TP53BP1: variants seen among roughly 807,000 people sequenced by gnomAD.
The protein encoded by TP53BP1 is TP53-binding protein 1.
A neutral mutation model predicts 200.8 loss-of-function variants in TP53BP1; 61 were observed. The ratio of observed to expected loss-of-function variants is 0.30; its 90% CI spans 0.25 to 0.38. The LOEUF (loss-of-function observed/expected upper bound fraction) is 0.38. TP53BP1 is among the 10% of genes least tolerant of loss of function. TP53BP1 has a pLI of 1.00. For missense variants in TP53BP1, 2,144 were observed against 2,371.9 expected (o/e 0.90, Z 2.00); for synonymous variants, 822 against 844.3 (o/e 0.97, Z 0.46).
At chr15:43,487,858 G>GA (rs958407700) in intron 4 of TP53BP1, among the ~76,000 whole-genome samples, 2 of 149,392 alleles carry the variant, frequency 1.3e-5, no homozygotes, top group African/African-American at 2.5e-5. Context: ...TCAAAAACAA[G>GA]AAAAAAAAAT....
At chr15:43,446,825 G>A in intron 13 of TP53BP1, 1 of 1,473,152 alleles carries the variant, frequency 6.8e-7, no homozygotes, top group South Asian at 1.2e-5. Context: ...AAAGGATGCT[G>A]CATGAGCCCT....
chr15:43,457,558 G>A (rs1263178384), intron 11 of TP53BP1, among the ~76,000 whole-genome samples: 4 of 150,588 alleles, frequency 2.7e-5, no homozygotes, highest in African/African-American at 9.8e-5. Flanking sequence ...TGTAATCCCA[G>A]CTACTTGGGA....
chr15:43,449,449 A>G (rs1201461507), intron 12 of TP53BP1, among the ~76,000 whole-genome samples: 1 of 152,254 alleles, frequency 6.6e-6, no homozygotes, highest in East Asian at 1.9e-4. Context: ...TAATCGCTGA[A>G]AATATATCCC....
At chr15:43,411,048 G>T (rs1158325314) in intron 24 of TP53BP1, among the ~76,000 whole-genome samples, 1 of 152,172 alleles carries the variant, frequency 6.6e-6, no homozygotes, top group Non-Finnish European at 1.5e-5. Context: ...TTCTACTGCT[G>T]AGTCACTGCC....
At chr15:43,492,221 T>C in intron 2 of TP53BP1, 63 bp downstream of exon 2, 1 of 1,528,518 alleles carries the variant, frequency 6.5e-7, no homozygotes, top group Non-Finnish European at 8.9e-7. Context: ...ATACTTATGT[T>C]TGCTGGTTTT....
At chr15:43,441,318 T>C in intron 15 of TP53BP1, 1 of 459,964 alleles carries the variant, frequency 2.2e-6, no homozygotes, top group East Asian at 3.4e-5. Flanking sequence ...TTCAATTATC[T>C]TAGTTCTAGG....
chr15:43,451,224 T>C (rs533101033), intron 12 of TP53BP1, among the ~76,000 whole-genome samples: 1 of 152,238 alleles, frequency 6.6e-6, no homozygotes, highest in East Asian at 1.9e-4. Context: ...AGGGTACATG[T>C]GCACAATGTG....
intron 11 of TP53BP1, among the ~76,000 whole-genome samples, chr15:43,465,318 T>C (rs1404427314): frequency 6.6e-6 from 1 of 152,168 alleles, no homozygotes; most frequent in Non-Finnish European, 1.5e-5. Context: ...TGGTGATGGT[T>C]GCACAACTCT....
intron 10 of TP53BP1, among the ~76,000 whole-genome samples, chr15:43,474,356 C>T (rs1480088390): frequency 6.7e-6 from 1 of 150,222 alleles, no homozygotes; most frequent in Non-Finnish European, 1.5e-5. Context: ...AAGGGCTCCT[C>T]AAGTGCCGCC....
rs1321105976 is a variant in TP53BP1, at chr15:43,406,718, T to C, written c.*665A>G. ...GTGACAATAATAATAATAATAATAT[T>C]GGGTCTTTGACTAGAACGTGTAACA... On this transcript the variant is annotated 3_prime_UTR_variant, in exon 28 of 28. Coordinates refer to ENST00000382044, the MANE Select transcript of TP53BP1 (RefSeq NM_001141980.3). 2.4e-6 allele frequency: 1 copy of C among 425,474 alleles called. No homozygotes were observed. The highest frequency in any genetic ancestry group is 2.1e-5 in the African/African-American group (1 of 48,284). 26.4% of individuals were successfully genotyped at this position (425,474 alleles called of 1,614,324 possible).
chr15:43,438,465 T>C, intron 15 of TP53BP1, 49 bp from the exon 16 acceptor site: 1 of 1,494,744 alleles, frequency 6.7e-7, no homozygotes, highest in East Asian at 2.4e-5. Context: ...AAAAGAAAAG[T>C]ACTTTTGGAG....
chr15:43,427,871 C>T, intron 18 of TP53BP1, 145 bp downstream of exon 18: 2 of 600,854 alleles, frequency 3.3e-6, no homozygotes, highest in South Asian at 4.5e-5. Flanking sequence ...GCAGAAGGAT[C>T]ACTTGAGCCT....
intron 24 of TP53BP1, 45 bp from the exon 25 acceptor site, chr15:43,409,786 T>C: frequency 1.0e-6 from 1 of 994,144 alleles, no homozygotes. Context: ...TGAGTGGTTT[T>C]CTTATTTGCT....
intron 1 of TP53BP1, among the ~76,000 whole-genome samples, chr15:43,500,854 A>G (rs1376751296): frequency 6.6e-6 from 1 of 151,878 alleles, no homozygotes; most frequent in Non-Finnish European, 1.5e-5. Context: ...GAATATTTTA[A>G]ACATAAGAAC....
rs1234962013 is a variant in TP53BP1 at position 43,479,519 on chromosome 15, C to T, written c.666G>A (p.Lys222=). The change falls in exon 7 of 28, where the codon AAG becomes AAA. Residue 222 remains lysine, a synonymous_variant. Coordinates refer to ENST00000382044, the MANE Select transcript of TP53BP1 (RefSeq NM_001141980.3). The part of the protein sequence containing the change: ...LSDVDANTAI[K]HEEQSNEDIP... Reference sequence around the variant, plus strand: ...TATCTTCGTTGGACTGTTCTTCATGCTTAATTGCTGAGAGTTTTATAAAAT... The same window carrying T: ...TATCTTCGTTGGACTGTTCTTCATGTTTAATTGCTGAGAGTTTTATAAAAT... 3.1e-6 allele frequency: 5 copies of T among 1,607,576 alleles called. No homozygotes were observed. The highest frequency in any genetic ancestry group is 2.2e-5 in the East Asian group (1 of 44,806).
intron 17 of TP53BP1, among the ~76,000 whole-genome samples, chr15:43,429,831 A>G (rs1424239194): frequency 6.6e-6 from 1 of 152,228 alleles, no homozygotes; most frequent in Non-Finnish European, 1.5e-5. Context: ...ATGCATGAGA[A>G]CTATGACAGC....
intron 4 of TP53BP1, among the ~76,000 whole-genome samples, chr15:43,490,000 T>C (rs539137461): frequency 1.3e-5 from 2 of 152,122 alleles, no homozygotes; most frequent in African/African-American, 4.8e-5. Flanking sequence ...GCAGCCTCAA[T>C]CTTCCAGGCT....
chr15:43,412,742 T>A (rs1192977423), intron 24 of TP53BP1: 1 of 472,368 alleles, frequency 2.1e-6, no homozygotes, highest in East Asian at 6.9e-5. Flanking sequence ...CATTCAGACC[T>A]GATTGACTTG....
At chr15:43,408,493 C>T (rs757637074) in intron 26 of TP53BP1, 24 of 261,648 alleles carry the variant, frequency 9.2e-5, no homozygotes, top group Non-Finnish European at 1.5e-4. Flanking sequence ...AAAACTAAGC[C>T]CTATATTAGG....
Sources: gnomAD v4.1 joint callset for allele counts (sites outside exome capture counted in the v4.1 genomes callset) on GRCh38, gnomAD v4.1.1 for gene constraint, MANE v1.5 for transcripts, NCBI Gene and HGNC (gene_info 2026-07-23, HGNC 2026-07-21) for gene names.